Variants in CPLANE1 observed in about 807,000 individuals in gnomAD.
CPLANE1 encodes ciliogenesis and planar polarity effector 1.
A neutral mutation model predicts 362.5 loss-of-function variants in CPLANE1; 263 were observed. That is an observed-to-expected ratio of 0.73 (90% CI 0.66 to 0.80). The LOEUF (loss-of-function observed/expected upper bound fraction) is 0.80. Among genes scored for constraint, CPLANE1 ranks in the 30% least tolerant of loss-of-function variants. The pLI is 0.00. For synonymous variants in CPLANE1, 1,212 were observed against 1,302.6 expected, an observed-to-expected ratio of 0.93 and a Z score of 1.50; for missense variants, 3,461 against 3,793.4, an observed-to-expected ratio of 0.91 and a Z score of 2.30.
chr5:37,081,497 ATT>A, the CPLANE1 span, among the ~76,000 whole-genome samples: 1 of 151,702 alleles, frequency 6.6e-6, no homozygotes, highest in African/African-American at 2.4e-5. Context: ...TAATTTTTGT[ATT>A]TTTAGTAGAG....
intron 46 of CPLANE1, 65 bp from the exon 47 acceptor site, chr5:37,125,474 T>A (rs958250134): frequency 3.1e-5 from 45 of 1,443,948 alleles, no homozygotes; most frequent in South Asian, 2.0e-4. Flanking sequence ...AGATATATCA[T>A]GACTAAACAC....
chr5:37,205,204 GA>G (rs1479744985), intron 18 of CPLANE1, 110 bp downstream of exon 18: 10 of 666,272 alleles, frequency 1.5e-5, no homozygotes, highest in Non-Finnish European at 2.0e-5. Flanking sequence ...TTTCATTTTT[GA>G]TAAGTTTATT....
intron 21 of CPLANE1, among the ~76,000 whole-genome samples, chr5:37,195,099 G>A (rs1453338712): frequency 6.7e-6 from 1 of 149,604 alleles, no homozygotes; most frequent in African/African-American, 2.5e-5. Context: ...AGCTTGCAGT[G>A]AGCCGAGATC....
intron 15 of CPLANE1, 108 bp downstream of exon 15, chr5:37,221,215 CG>C: frequency 1.6e-6 from 1 of 613,764 alleles, no homozygotes. Flanking sequence ...CCACTTGAGG[CG>C]GCTGAGGTAG....
intron 26 of CPLANE1, 40 bp from the exon 27 acceptor site, chr5:37,181,045 C>A (rs1411083340): frequency 1.3e-6 from 2 of 1,507,748 alleles, no homozygotes; most frequent in Non-Finnish European, 9.0e-7. Flanking sequence ...TTTATTGAAC[C>A]CTTTATTTTT....
intron 27 of CPLANE1, among the ~76,000 whole-genome samples, chr5:37,180,633 C>T (rs547194303): frequency 6.6e-6 from 1 of 152,242 alleles, no homozygotes; most frequent in African/African-American, 2.4e-5. Context: ...AGGAATCCCT[C>T]AGGATGAATT....
At chr5:37,139,962 A>T in intron 44 of CPLANE1, 1 of 977,626 alleles carries the variant, frequency 1.0e-6, no homozygotes, top group Non-Finnish European at 1.2e-6. Flanking sequence ...TTTACTTTAT[A>T]AAATATACAC....
intron 16 of CPLANE1, among the ~76,000 whole-genome samples, chr5:37,212,881 G>A (rs1165813136): frequency 6.6e-6 from 1 of 152,150 alleles, no homozygotes; most frequent in African/African-American, 2.4e-5. Context: ...CTTCAGCTGG[G>A]CACACCTATA....
At position 37,226,850 on chromosome 5, in the gene CPLANE1, A is replaced by G. The variant is rs1260722151; in HGVS notation, c.1745T>C (p.Ile582Thr). The change falls in exon 12 of 53, where the codon ATA becomes ACA. Residue 582 changes from isoleucine (I) to threonine (T), a missense_variant. This residue lies in a region of CPLANE1 where 3,380 missense variants were observed against 3,666.1 expected (regional missense o/e 0.92). Coordinates refer to ENST00000651892, the MANE Select transcript of CPLANE1 (RefSeq NM_001384732.1). Reference protein sequence around the residue: ...IQKSLLAAWTIGISKTVTEKN... With the variant: ...IQKSLLAAWTTGISKTVTEKN... ...TTCTGTCACAGTTTTTGAAATTCCTATAGTCCACGCTGCAAGTAGACTTTT... is the reference window on the plus strand; with the variant it reads ...TTCTGTCACAGTTTTTGAAATTCCTGTAGTCCACGCTGCAAGTAGACTTTT... The G allele has an allele frequency of 3.2e-6, 5 of 1,551,310 alleles. No homozygotes were observed. The Admixed American group carries it at 5.9e-5, about 18-fold the overall frequency.
rs186647678 is a variant in CPLANE1, at chr5:37,222,102, A to G, written c.2582-614T>C. ...TGCCTTTACGTATCTGAAGAATGAA[A>G]CTGCTGGTTGCCTACCTCTTATCCA... On this transcript the variant is annotated intron_variant, in intron 14 of 52. Coordinates refer to ENST00000651892, the MANE Select transcript of CPLANE1 (RefSeq NM_001384732.1). 3.3e-3 allele frequency among the ~76,000 whole-genome samples: 502 copies of G among 152,006 alleles called. 1 individual carries two copies. Among genetic ancestry groups the G allele is most frequent in the Non-Finnish European group, 4.5e-3 (309 of 67,980 alleles).
At chr5:37,130,348 G>A (rs1234741806) in intron 46 of CPLANE1, 1 of 164,324 alleles carries the variant, frequency 6.1e-6, no homozygotes, top group Non-Finnish European at 1.4e-5. Flanking sequence ...ACTTACTCAT[G>A]TAACCAAATA....
chr5:37,239,958 C>A, intron 6 of CPLANE1, 89 bp from the exon 7 acceptor site: 1 of 864,726 alleles, frequency 1.2e-6, no homozygotes, highest in Non-Finnish European at 1.7e-6. Context: ...AGGATCCATC[C>A]AAATTCCTAC....
At chr5:37,094,359 C>T in the CPLANE1 span, among the ~76,000 whole-genome samples, 2 of 152,140 alleles carry the variant, frequency 1.3e-5, no homozygotes, top group Admixed American at 6.5e-5. Flanking sequence ...GAAATCAAGA[C>T]TGAAATTAAA....
rs899385982 is a variant in CPLANE1, at chr5:37,209,493, C to A, written c.2921-3068G>T. ...ACTCAAGATACAACTTCGAAACCAG[C>A]TAATTCATGAGTTAATGCACCCTGT... On this transcript the variant is annotated intron_variant, in intron 16 of 52. Transcript: ENST00000651892. The surrounding 1 kb of genome is among the most constrained non-coding windows in gnomAD (Gnocchi z 4.6). 2.3e-6 allele frequency: 3 copies of A among 1,279,978 alleles called. No homozygotes were observed. Among genetic ancestry groups the A allele is most frequent in the African/African-American group, 2.9e-5 (2 of 68,570 alleles). The allele number at this position is 1,279,978 out of a possible 1,614,324, so 79.3% of individuals were successfully genotyped here. A position where few individuals can be genotyped will look rare whatever the true frequency, so the allele number is the denominator to read the frequency against.
chr5:37,077,586 A>ACTT, the CPLANE1 span, among the ~76,000 whole-genome samples: 2 of 148,558 alleles, frequency 1.3e-5, no homozygotes, highest in African/African-American at 5.0e-5. Context: ...ATATCAAGAA[A>ACTT]CTTGTGTGTG....
chr5:37,232,381 G>A (rs1797903196), intron 8 of CPLANE1, among the ~76,000 whole-genome samples: 1 of 152,008 alleles, frequency 6.6e-6, no homozygotes, highest in African/African-American at 2.4e-5. Flanking sequence ...AGCCAGGCAT[G>A]GTGGTGGGCA....
chr5:37,230,221 GAA>G (rs1230592811), intron 9 of CPLANE1, among the ~76,000 whole-genome samples: 1 of 121,978 alleles, frequency 8.2e-6, no homozygotes, highest in Admixed American at 8.3e-5. Context: ...TTTAAAAATT[GAA>G]AAAAAAAAAA....
chr5:37,234,061 T>G (rs577219527), intron 8 of CPLANE1, among the ~76,000 whole-genome samples: 77 of 152,054 alleles, frequency 5.1e-4, no homozygotes, highest in Non-Finnish European at 8.8e-4. Context: ...ATCAACAACA[T>G]ACATACATCT....
chr5:37,175,840 G>A (rs1446887781), intron 31 of CPLANE1, 69 bp downstream of exon 31: 2 of 1,042,696 alleles, frequency 1.9e-6, no homozygotes, highest in East Asian at 4.8e-5. Context: ...GGTACAGTCG[G>A]CATACTTTCA....
Sources: gnomAD v4.1 joint callset for allele counts (sites outside exome capture counted in the v4.1 genomes callset) on GRCh38, gnomAD v4.1.1 for gene constraint, gnomAD v4.1.1 regional missense constraint, Gnocchi (gnomAD v3.1) non-coding constraint, MANE v1.5 for transcripts, NCBI Gene and HGNC (gene_info 2026-07-23, HGNC 2026-07-21) for gene names.